Variants in WDR43 observed in about 807,000 individuals in gnomAD.
WDR43 encodes the protein WD repeat domain 43, also known as WD repeat-containing protein 43.
WDR43 carries 13 observed loss-of-function variants against 91.4 expected under a neutral mutation model. The observed-to-expected ratio is 0.14, with a 90% confidence interval of 0.09 to 0.23. The LOEUF (loss-of-function observed/expected upper bound fraction) is 0.23. Ranked by LOEUF, WDR43 falls within the 10% of genes least tolerant of loss-of-function variation. The pLI, the probability that WDR43 is intolerant of heterozygous loss-of-function variation, is 1.00. For synonymous variants in WDR43, 331 were observed against 287.9 expected, an observed-to-expected ratio of 1.15 and a Z score of -1.51; for missense variants, 780 against 809.4, an observed-to-expected ratio of 0.96 and a Z score of 0.44.
chr2:28,914,259 G>A, intron 5 of WDR43, 51 bp downstream of exon 5: 1 of 1,551,014 alleles, frequency 6.4e-7, no homozygotes, highest in Admixed American at 2.0e-5. Flanking sequence ...ATCTGTCAGA[G>A]CTTATGTAGT....
rs754745121 is a variant in WDR43 at position 28,925,098 on chromosome 2, A to G, written c.1031A>G (p.Lys344Arg). The change falls in exon 8 of 18, where the codon AAA (lysine) becomes AGA (arginine). Residue 344 changes from lysine to arginine, a missense_variant. Lys to Arg is a conservative substitution (Grantham distance 26). Transcript: ENST00000407426. Reference sequence around the variant, plus strand: ...CTAGCTGCTGGTTTTTGCTCAGACAAAATGTCATTGTTGCTTGTATATGGC... The same window carrying G: ...CTAGCTGCTGGTTTTTGCTCAGACAGAATGTCATTGTTGCTTGTATATGGC... ...PILAAGFCSD[K>R]MSLLLVYGSW... The G allele has an allele frequency of 2.5e-6, 4 of 1,613,974 alleles. No homozygotes were observed. Among genetic ancestry groups the G allele is most frequent in the South Asian group, 2.2e-5 (2 of 91,072 alleles).
intron 14 of WDR43, 54 bp from the exon 15 acceptor site, chr2:28,941,407 G>A (rs1414682872): frequency 7.4e-6 from 10 of 1,358,748 alleles, no homozygotes; most frequent in South Asian, 2.5e-5. Context: ...CATGATTTGC[G>A]TGTTCGTCAT....
chr2:28,895,435 C>T (rs1398609380), intron 1 of WDR43: 1 of 153,148 alleles, frequency 6.5e-6, no homozygotes, highest in Non-Finnish European at 1.5e-5. Flanking sequence ...TGTTCTCGTC[C>T]CCGTCCAGGT....
intron 10 of WDR43, among the ~76,000 whole-genome samples, chr2:28,928,517 C>T (rs1025748522): frequency 1.3e-5 from 2 of 152,126 alleles, no homozygotes; most frequent in African/African-American, 4.8e-5. Flanking sequence ...TTCCCCATGT[C>T]CTTTTTAATC....
In WDR43 at chr2:28,948,171, A is replaced by T. The variant is rs1210480495; in HGVS notation, c.*1392A>T. 1 of 152,286 alleles carries T rather than the reference A, an allele frequency of 6.6e-6. No homozygotes were observed. The highest frequency in any genetic ancestry group is 1.9e-4 in the East Asian group (1 of 5,188). 9.4% of individuals were successfully genotyped at this position (152,286 alleles called of 1,614,324 possible). On this transcript the variant is annotated 3_prime_UTR_variant, in exon 18 of 18. Transcript: ENST00000407426. ...TCTATAAATGGAGCTGTTTATGGCA[A>T]TTTAATACCATTCTCTTTGTAAAGT...
At chr2:28,940,219 C>G (rs547583020) in intron 14 of WDR43, among the ~76,000 whole-genome samples, 1 of 150,694 alleles carries the variant, frequency 6.6e-6, no homozygotes, top group East Asian at 1.9e-4. Flanking sequence ...GGGAAGCCAG[C>G]GTTGTTCTTT....
At chr2:28,905,655 CTCT>C (rs926912074) in intron 2 of WDR43, among the ~76,000 whole-genome samples, 6 of 146,578 alleles carry the variant, frequency 4.1e-5, no homozygotes, top group African/African-American at 7.4e-5. Context: ...GTTTATCTCT[CTCT>C]TCTTCTCTTT....
At chr2:28,920,677 TTTTG>T (rs1471556888) in intron 6 of WDR43, among the ~76,000 whole-genome samples, 1 of 151,968 alleles carries the variant, frequency 6.6e-6, no homozygotes, top group East Asian at 1.9e-4. Flanking sequence ...GAGGGATTTT[TTTTG>T]TTTGTTTTTG....
chr2:28,943,958 G>A (rs1671494087), intron 16 of WDR43, among the ~76,000 whole-genome samples: 2 of 152,154 alleles, frequency 1.3e-5, no homozygotes, highest in Non-Finnish European at 1.5e-5. Flanking sequence ...CATTCATCAA[G>A]TGCAGTCCCA....
chr2:28,946,439 T>A lies in WDR43; in HGVS notation c.1805-11T>A. The A allele has an allele frequency of 6.2e-7, 1 of 1,605,542 alleles. No individual in the cohort carries two copies. Among genetic ancestry groups the A allele is most frequent in the Non-Finnish European group, 8.5e-7 (1 of 1,175,966 alleles). Reference sequence around the variant, plus strand: ...TCTAAAATTAAGGCTGGGTTCTTTCTCCCCTTACAGAGTCTTCTGAAGAGG... The same window carrying A: ...TCTAAAATTAAGGCTGGGTTCTTTCACCCCTTACAGAGTCTTCTGAAGAGG... On this transcript the variant is annotated splice_polypyrimidine_tract_variant and intron_variant, in intron 16 of 17. Coordinates refer to ENST00000407426, the MANE Select transcript of WDR43 (RefSeq NM_015131.3).
chr2:28,901,673 C>A (rs576811800), intron 1 of WDR43, among the ~76,000 whole-genome samples: 1 of 152,026 alleles, frequency 6.6e-6, no homozygotes, highest in Admixed American at 6.6e-5. Context: ...TCAGGAGGGG[C>A]GGCCTGTTTC....
Position 28,924,967 on chromosome 2 carries a change from C to G in WDR43, c.915-15C>G. ...TTTTCAAATTCTTTAATCTCATTTC[C>G]CCCTCCATTTCCAGGTACTGCAAAA... On this transcript the variant is annotated splice_polypyrimidine_tract_variant and intron_variant, in intron 7 of 17. Coordinates refer to ENST00000407426, the MANE Select transcript of WDR43 (RefSeq NM_015131.3). The G allele has an allele frequency of 6.2e-7, 1 of 1,601,210 alleles. No homozygotes were observed. The highest frequency in any genetic ancestry group is 8.5e-7 in the Non-Finnish European group (1 of 1,174,416).
At chr2:28,930,097 C>T (rs1467065814) in intron 11 of WDR43, 1 of 471,552 alleles carries the variant, frequency 2.1e-6, no homozygotes, top group South Asian at 1.5e-5. Context: ...ATTCCAGAAA[C>T]TTATTTCCCC....
intron 12 of WDR43, 113 bp downstream of exon 12, chr2:28,935,720 G>T: frequency 2.1e-5 from 8 of 378,518 alleles, no homozygotes; most frequent in Non-Finnish European, 2.3e-5. Flanking sequence ...TTTAGAGTGA[G>T]TAATGGATGG....
intron 10 of WDR43, 105 bp downstream of exon 10, chr2:28,927,805 A>G: frequency 1.4e-6 from 2 of 1,426,530 alleles, no homozygotes; most frequent in Non-Finnish European, 1.9e-6. Flanking sequence ...TTAGAAATTT[A>G]CTGAGATTTC....
chr2:28,909,431 C>G (rs1670748382), intron 3 of WDR43, among the ~76,000 whole-genome samples: 1 of 152,132 alleles, frequency 6.6e-6, no homozygotes, highest in South Asian at 2.1e-4. Context: ...CCATGCCTAG[C>G]CATGAATTAT....
chr2:28,898,955 C>A (rs2148176794), intron 1 of WDR43, among the ~76,000 whole-genome samples: 1 of 152,320 alleles, frequency 6.6e-6, no homozygotes, highest in South Asian at 2.1e-4. Flanking sequence ...TGCACATGTG[C>A]CATTCAGATT....
intron 7 of WDR43, among the ~76,000 whole-genome samples, chr2:28,923,955 G>C (rs914148231): frequency 2.0e-5 from 3 of 152,110 alleles, no homozygotes; most frequent in Non-Finnish European, 4.4e-5. Flanking sequence ...AGACTATAGA[G>C]GGTGAAAGGC....
chr2:28,933,636 CA>C (rs1671288316), intron 11 of WDR43, among the ~76,000 whole-genome samples: 1 of 152,132 alleles, frequency 6.6e-6, no homozygotes, highest in Non-Finnish European at 1.5e-5. Context: ...TCATGTTAGA[CA>C]AAGGATTTGT....
Sources: gnomAD v4.1 joint callset for allele counts (sites outside exome capture counted in the v4.1 genomes callset) on GRCh38, gnomAD v4.1.1 for gene constraint, MANE v1.5 for transcripts, NCBI Gene and HGNC (gene_info 2026-07-23, HGNC 2026-07-21) for gene names.